NF1: variants seen among roughly 807,000 people sequenced by gnomAD.
The protein encoded by NF1 is neurofibromin.
Under a neutral mutation model 325.7 loss-of-function variants are expected in NF1, and 122 were observed. That is an observed-to-expected ratio of 0.37 (90% CI 0.32 to 0.44). The LOEUF (loss-of-function observed/expected upper bound fraction) is 0.44. NF1 is among the 20% of genes least tolerant of loss of function. The pLI, the probability that NF1 is intolerant of heterozygous loss-of-function variation, is 1.00. For missense variants in NF1, 2,140 were observed against 3,415.4 expected, an observed-to-expected ratio of 0.63 and a Z score of 9.31; for synonymous variants, 1,091 against 1,186.0, an observed-to-expected ratio of 0.92 and a Z score of 1.65.
intron 1 of NF1, chr17:31,137,600 A>G (rs1460797468): frequency 1.3e-5 from 2 of 152,106 alleles, no homozygotes; most frequent in Non-Finnish European, 2.9e-5. Context: ...GTGTGCAGCT[A>G]TCATCCTGTG....
chr17:31,273,758 T>C (rs2067949074), intron 36 of NF1: 1 of 152,224 alleles, frequency 6.6e-6, no homozygotes, highest in Non-Finnish European at 1.5e-5. Flanking sequence ...CAACTACATA[T>C]AAACAGATAG....
At chr17:31,174,237 G>T (rs1177828822) in intron 5 of NF1, among the ~76,000 whole-genome samples, 1 of 152,176 alleles carries the variant, frequency 6.6e-6, no homozygotes, top group African/African-American at 2.4e-5. Context: ...ATGGAGAAAT[G>T]TTTACTGTTA....
rs562492297 is a variant in NF1 at position 31,243,512 on chromosome 17, C to A, written c.3975-5472C>A. On this transcript the variant is annotated intron_variant, in intron 29 of 57. Coordinates refer to ENST00000358273, the MANE Select transcript of NF1 (RefSeq NM_001042492.3). ...CTGCTGCGGCTAAGCATTAAGCTGG[C>A]ACCCAAGCTGTAAGACAAAGTCCTT... Among the ~76,000 whole-genome samples, 12 of 152,134 alleles carry A rather than the reference C, an allele frequency of 7.9e-5. No homozygotes were observed. The South Asian group carries it at 8.3e-4, about 11-fold the overall frequency.
At chr17:31,104,417 T>C (rs1912667239) in intron 1 of NF1, among the ~76,000 whole-genome samples, 1 of 152,200 alleles carries the variant, frequency 6.6e-6, no homozygotes, top group Non-Finnish European at 1.5e-5. Flanking sequence ...AGGAGGAGAA[T>C]ATTCTATAGA....
At chr17:31,215,343 T>C (rs2066802540) in intron 13 of NF1, among the ~76,000 whole-genome samples, 1 of 152,144 alleles carries the variant, frequency 6.6e-6, no homozygotes, top group Admixed American at 6.5e-5. Flanking sequence ...TCTGAGAACA[T>C]CACTCTGGTA....
intron 51 of NF1, among the ~76,000 whole-genome samples, chr17:31,354,406 T>C (rs1448374680): frequency 1.3e-5 from 2 of 152,042 alleles, no homozygotes; most frequent in African/African-American, 2.4e-5. Context: ...TGATGATACA[T>C]CATGGCATCA....
At position 31,314,898 on chromosome 17, in the gene NF1, T is replaced by C. The variant is rs1337407310; in HGVS notation, c.4836-10922T>C. Among the ~76,000 whole-genome samples the C allele has an allele frequency of 2.0e-5, 3 of 152,164 alleles. No homozygotes were observed. The East Asian group carries it at 5.8e-4, about 29-fold the overall frequency. ...CACCAAACTGTTCTCCATAGTGGTT[T>C]TACTGATTTACATTCCCACTAACAG... is the stretch of plus-strand genomic sequence containing the variant. On this transcript the variant is annotated intron_variant, in intron 36 of 57. Transcript: ENST00000358273.
Position 31,375,799 on chromosome 17 carries a change from A to G in NF1, c.*1644A>G. On this transcript the variant is annotated 3_prime_UTR_variant, in exon 58 of 58. Coordinates refer to ENST00000358273, the MANE Select transcript of NF1 (RefSeq NM_001042492.3). ...CCACACAGTAACAATGTAATATGTTAATGTAAATAAAATTGGTTTTGATAC... is the reference window on the plus strand; with the variant it reads ...CCACACAGTAACAATGTAATATGTTGATGTAAATAAAATTGGTTTTGATAC... 1 of 232,516 alleles carries G rather than the reference A, an allele frequency of 4.3e-6. No individual in the cohort carries two copies. The highest frequency in any genetic ancestry group is 8.5e-6 in the Non-Finnish European group (1 of 117,372). The allele number at this position is 232,516 out of a possible 1,614,324, so 14.4% of individuals were successfully genotyped here. A position where few individuals can be genotyped will look rare whatever the true frequency, so the allele number is the denominator to read the frequency against.
rs540306733 is a variant in NF1 at position 31,117,548 on chromosome 17, C to T, written c.60+22179C>T. ...ATTAGCTGGGCGTGGTGGCGGGCTCCTGTAGTCCTAGCTACTCGGGAGGCT... is the reference window on the plus strand; with the variant it reads ...ATTAGCTGGGCGTGGTGGCGGGCTCTTGTAGTCCTAGCTACTCGGGAGGCT... On this transcript the variant is annotated intron_variant, in intron 1 of 57. Transcript: ENST00000358273. 2.0e-5 allele frequency among the ~76,000 whole-genome samples: 3 copies of T among 151,044 alleles called. No individual in the cohort carries two copies. In the South Asian group the frequency reaches 6.3e-4, roughly 32 times the overall value.
At chr17:31,288,892 C>A (rs1597784655) in intron 36 of NF1, among the ~76,000 whole-genome samples, 1 of 152,082 alleles carries the variant, frequency 6.6e-6, no homozygotes, top group Non-Finnish European at 1.5e-5. Context: ...CTTAACTTTT[C>A]TTTGATCTTT....
At chr17:31,338,843 G>C (rs764827080) in intron 46 of NF1, 38 bp downstream of exon 46, 5 of 1,278,826 alleles carry the variant, frequency 3.9e-6, no homozygotes, top group South Asian at 1.2e-5. Context: ...TTCATTTTGG[G>C]TATCAGTGTT....
At chr17:31,325,237 G>A (rs986980724) in intron 36 of NF1, among the ~76,000 whole-genome samples, 2 of 152,088 alleles carry the variant, frequency 1.3e-5, no homozygotes. Context: ...CTTCTCTTCA[G>A]TCTTTTGGGA....
chr17:31,221,800 A>C, intron 14 of NF1, 50 bp from the exon 15 acceptor site: 3 of 1,350,648 alleles, frequency 2.2e-6, no homozygotes, highest in South Asian at 1.2e-5. Flanking sequence ...GTTTACCAAA[A>C]ATGTTTGAGT....
At chr17:31,209,299 T>G (rs762844689) in intron 12 of NF1, among the ~76,000 whole-genome samples, 1 of 152,254 alleles carries the variant, frequency 6.6e-6, no homozygotes, top group Non-Finnish European at 1.5e-5. Flanking sequence ...GCCATTAGCT[T>G]GCTTCAGAAG....
At chr17:31,209,385 A>G (rs2066683208) in intron 12 of NF1, among the ~76,000 whole-genome samples, 1 of 152,188 alleles carries the variant, frequency 6.6e-6, no homozygotes, top group African/African-American at 2.4e-5. Flanking sequence ...AACACTTTGT[A>G]TTTTGGAGAG....
At chr17:31,272,070 ACAT>A (rs1364516907) in intron 36 of NF1, 4 of 152,194 alleles carry the variant, frequency 2.6e-5, no homozygotes, top group African/African-American at 7.2e-5. Context: ...TGGAAGGAAA[ACAT>A]CATATTAAGT....
At chr17:31,338,182 C>G (rs1486594726) in intron 45 of NF1, 43 bp downstream of exon 45, 1 of 1,365,620 alleles carries the variant, frequency 7.3e-7, no homozygotes, top group Non-Finnish European at 1.0e-6. Flanking sequence ...TTATGGTTCT[C>G]AAGTTGTAAA....
intron 36 of NF1, chr17:31,313,927 A>G (rs2068956231): frequency 2.5e-6 from 1 of 397,290 alleles, no homozygotes; most frequent in South Asian, 1.3e-4. Context: ...AGTTTTTAAA[A>G]TAAATTTTAT....
chr17:31,313,565 G>A (rs188195050), intron 36 of NF1, among the ~76,000 whole-genome samples: 7 of 151,936 alleles, frequency 4.6e-5, no homozygotes, highest in African/African-American at 1.7e-4. Flanking sequence ...AATTAGCCAG[G>A]CGTGGTGGTG....
Sources: allele counts gnomAD v4.1 joint callset (sites outside exome capture counted in the v4.1 genomes callset), GRCh38; gene constraint gnomAD v4.1.1; transcripts MANE v1.5; gene names NCBI Gene and HGNC (gene_info 2026-07-23, HGNC 2026-07-21).